Variants in AGAP1 observed in about 807,000 individuals in gnomAD.
AGAP1 encodes the protein ArfGAP with GTPase domain, ankyrin repeat and PH domain 1, also known as arf-GAP with GTPase, ANK repeat and PH domain-containing protein 1.
In AGAP1, 29 loss-of-function variants were observed where a neutral mutation model predicts 105.3. That is an observed-to-expected ratio of 0.28 (90% CI 0.21 to 0.38). The LOEUF (loss-of-function observed/expected upper bound fraction) is 0.38. AGAP1 is among the 10% of genes least tolerant of loss of function. AGAP1 has a pLI of 1.00. For missense variants in AGAP1, 998 were observed against 1,165.1 expected, an observed-to-expected ratio of 0.86 and a Z score of 2.09; for synonymous variants, 509 against 485.9, an observed-to-expected ratio of 1.05 and a Z score of -0.63.
In AGAP1 at chr2:235,521,737, TATATA is replaced by T. The variant is rs1559220662; in HGVS notation, c.163+26889_163+26893del. 5.5e-3 allele frequency among the ~76,000 whole-genome samples: 721 copies of T among 129,946 alleles called. 8 individuals are homozygous for T. Among genetic ancestry groups the T allele is most frequent in the African/African-American group, 0.023 (681 of 29,758 alleles). The allele number at this position is 129,946 out of a possible 152,430, so 85.2% of individuals were successfully genotyped here. ...TCCAGTTTCTTGTTTTTGTTTGTTA[TATATA>T]TGTGTGTGTGTGTGTGTGTGTGTGT... On this transcript the variant is annotated intron_variant, in intron 1 of 17. Coordinates refer to ENST00000304032, the MANE Select transcript of AGAP1 (RefSeq NM_001037131.3).
chr2:236,023,914 G>A (rs960194262), intron 13 of AGAP1, among the ~76,000 whole-genome samples: 1 of 152,022 alleles, frequency 6.6e-6, no homozygotes, highest in Non-Finnish European at 1.5e-5. Context: ...TCCGGTCATT[G>A]AAGAACTTGG....
Position 235,967,629 on chromosome 2 carries a change from G to A in AGAP1, c.1484-833G>A, listed in dbSNP as rs914604698. 5.3e-5 allele frequency among the ~76,000 whole-genome samples: 8 copies of A among 152,310 alleles called. No individual in the cohort carries two copies. The highest frequency in any genetic ancestry group is 2.6e-4 in the Admixed American group (4 of 15,300). On this transcript the variant is annotated intron_variant, in intron 12 of 17. Transcript: ENST00000304032. This position sits in a 1 kb window ranked among gnomAD's most constrained non-coding sequence, Gnocchi z 4.7. The stretch of plus-strand genomic sequence containing the variant: ...ACTTTGGACTTAAAGATGCTGAATC[G>A]TGAAATAAAAACTTTTCAAGACGCC...
At position 236,008,658 on chromosome 2, in the gene AGAP1, G is replaced by A. The variant is rs191306838; in HGVS notation, c.1646-27903G>A. On this transcript the variant is annotated intron_variant, in intron 13 of 17. Transcript: ENST00000304032. ...AACTTCTGGTTTTATTGCATATCCT[G>A]GAGGTCTTGCTTCGTTTTTATTTTC... is the stretch of plus-strand genomic sequence containing the variant. Among the ~76,000 whole-genome samples the A allele has an allele frequency of 5.3e-5, 8 of 152,214 alleles. No individual in the cohort carries two copies. The East Asian group carries it at 1.5e-3, about 29-fold the overall frequency.
In AGAP1 at chr2:235,724,442, C is replaced by T. The variant is rs563456948; in HGVS notation, c.310+6798C>T. 1.3e-5 allele frequency among the ~76,000 whole-genome samples: 2 copies of T among 152,188 alleles called. No homozygotes were observed. Among genetic ancestry groups the T allele is most frequent in the African/African-American group, 4.8e-5 (2 of 41,456 alleles). On this transcript the variant is annotated intron_variant, in intron 3 of 17. Coordinates refer to ENST00000304032, the MANE Select transcript of AGAP1 (RefSeq NM_001037131.3). This position sits in a 1 kb window ranked among gnomAD's most constrained non-coding sequence, Gnocchi z 4.9. The stretch of plus-strand genomic sequence containing the variant: ...CACTGGGAGATTAGCCTCCCTCATT[C>T]ATTTTCCCGATAGAATATGATAGCT...
At chr2:235,913,232 GT>G (rs999276824) in intron 11 of AGAP1, among the ~76,000 whole-genome samples, 9 of 151,428 alleles carry the variant, frequency 5.9e-5, no homozygotes, top group Admixed American at 4.6e-4. Context: ...TAATTTTATT[GT>G]TTTTTTCCCT....
intron 1 of AGAP1, among the ~76,000 whole-genome samples, chr2:235,682,796 A>ATGTGTGTG (rs1949151444): frequency 3.1e-5 from 2 of 65,508 alleles, no homozygotes; most frequent in Admixed American, 3.6e-4. Flanking sequence ...GTGTGTGCAC[A>ATGTGTGTG]CGTGTGTGTG....
chr2:235,883,579 A>G lies in AGAP1; in HGVS notation c.1155+130A>G. ...GAAAGTCGTATTTGGTCTCCTGCTC[A>G]ACTGTGAGATAAATAACCCTGTTCC... On this transcript the variant is annotated intron_variant, in intron 10 of 17. Coordinates refer to ENST00000304032, the MANE Select transcript of AGAP1 (RefSeq NM_001037131.3). This position sits in a 1 kb window ranked among gnomAD's most constrained non-coding sequence, Gnocchi z 4.5. 1.5e-6 allele frequency: 1 copy of G among 683,618 alleles called. No individual in the cohort carries two copies. The highest frequency in any genetic ancestry group is 2.5e-6 in the Non-Finnish European group (1 of 396,584). The allele number at this position is 683,618 out of a possible 1,614,324, so 42.3% of individuals were successfully genotyped here.
rs2125025928 is a variant in AGAP1, at chr2:235,906,212, T to C, written c.1156-2526T>C. ...GCACCTCTGCTCCCGGCCTCTGGGC[T>C]GATGTGAGATGCACGCGTGCCAGGG... On this transcript the variant is annotated intron_variant, in intron 10 of 17. Coordinates refer to ENST00000304032, the MANE Select transcript of AGAP1 (RefSeq NM_001037131.3). This position sits in a 1 kb window ranked among gnomAD's most constrained non-coding sequence, Gnocchi z 5.3. Among the ~76,000 whole-genome samples, 1 of 152,294 alleles carries C rather than the reference T, an allele frequency of 6.6e-6. No individual in the cohort carries two copies. Among genetic ancestry groups the C allele is most frequent in the South Asian group, 2.1e-4 (1 of 4,830 alleles).
rs527699028 is a variant in AGAP1 at position 236,104,766 on chromosome 2, G to A, written c.2115-15426G>A. Among the ~76,000 whole-genome samples the A allele has an allele frequency of 2.0e-5, 3 of 152,316 alleles. No homozygotes were observed. The highest frequency in any genetic ancestry group is 4.1e-4 in the South Asian group (2 of 4,828). On this transcript the variant is annotated intron_variant, in intron 16 of 17. Transcript: ENST00000304032. The surrounding 1 kb of genome is among the most constrained non-coding windows in gnomAD (Gnocchi z 4.7). ...TAGCTGGGCATGGTGATGCGTGCCT[G>A]TAATCCCAGCTACTCGGGAGGCTGA...
chr2:235,978,151 T>A (rs564202880), intron 13 of AGAP1, among the ~76,000 whole-genome samples: 1 of 152,236 alleles, frequency 6.6e-6, no homozygotes, highest in Non-Finnish European at 1.5e-5. Flanking sequence ...AGGCCCAGTC[T>A]CCAAATACCA....
chr2:236,040,514 T>TCCA lies in AGAP1; in HGVS notation c.1801-235_1801-234insACC. ...TCCTCTTTGCTCATTTCTGGCAGAG[T>TCCA]CCGTCTCAGCTGATGAGTTAAAATG... On this transcript the variant is annotated intron_variant, in intron 14 of 17. Transcript: ENST00000304032. The surrounding 1 kb of genome is among the most constrained non-coding windows in gnomAD (Gnocchi z 5.6). 1.9e-6 allele frequency: 1 copy of TCCA among 528,050 alleles called. No individual in the cohort carries two copies. The highest frequency in any genetic ancestry group is 3.4e-6 in the Non-Finnish European group (1 of 293,680). The allele number at this position is 528,050 out of a possible 1,614,324, so 32.7% of individuals were successfully genotyped here. A position where few individuals can be genotyped will look rare whatever the true frequency, so the allele number is the denominator to read the frequency against.
chr2:235,768,415 T>C (rs1955151444), intron 6 of AGAP1, among the ~76,000 whole-genome samples: 1 of 152,244 alleles, frequency 6.6e-6, no homozygotes, highest in African/African-American at 2.4e-5. Context: ...TTTTGGAGAA[T>C]TTTACTACTT....
chr2:235,504,962 C>T (rs1182099812), intron 1 of AGAP1, among the ~76,000 whole-genome samples: 6 of 152,258 alleles, frequency 3.9e-5, no homozygotes, highest in South Asian at 2.1e-4. Context: ...AGGAAGAGGG[C>T]GCAGTTCCTC....
At chr2:235,554,619 C>T (rs1943916383) in intron 1 of AGAP1, among the ~76,000 whole-genome samples, 1 of 152,190 alleles carries the variant, frequency 6.6e-6, no homozygotes, top group South Asian at 2.1e-4. Flanking sequence ...GCCTTGATGC[C>T]ACTTGGAGCT....
At chr2:235,649,658 C>T (rs1947516187) in intron 1 of AGAP1, among the ~76,000 whole-genome samples, 1 of 152,198 alleles carries the variant, frequency 6.6e-6, no homozygotes, top group Admixed American at 6.5e-5. Flanking sequence ...AGATGTGAGC[C>T]ACAGTGGCTG....
chr2:235,847,225 A>T (rs62190889), intron 9 of AGAP1, among the ~76,000 whole-genome samples: 1 of 152,128 alleles, frequency 6.6e-6, no homozygotes, highest in African/African-American at 2.4e-5. Context: ...GGAAGAAAAG[A>T]TGGTTTGGTT....
chr2:235,825,080 T>C lies in AGAP1; in HGVS notation c.1050+17749T>C, dbSNP rs528265083. Among the ~76,000 whole-genome samples, 17 of 152,324 alleles carry C rather than the reference T, an allele frequency of 1.1e-4. No homozygotes were observed. In the South Asian group the frequency reaches 3.1e-3, roughly 28 times the overall value. ...GTGCAAATTGCTACTGAAAATGATA[T>C]TGAAAGAAAATGAGACCTGTTTCTC... is the stretch of plus-strand genomic sequence containing the variant. On this transcript the variant is annotated intron_variant, in intron 9 of 17. Transcript: ENST00000304032.
In AGAP1 at chr2:235,919,890, C is replaced by A. The variant is rs1039391943; in HGVS notation, c.1325-10875C>A. On this transcript the variant is annotated intron_variant, in intron 11 of 17. Transcript: ENST00000304032. The surrounding 1 kb of genome is among the most constrained non-coding windows in gnomAD (Gnocchi z 4.1). ...ATCAGCTTGTCCATATAACCCATACCAGGAGATGGATTGTGGCCAAGACAA... is the reference window on the plus strand; with the variant it reads ...ATCAGCTTGTCCATATAACCCATACAAGGAGATGGATTGTGGCCAAGACAA... 1.3e-5 allele frequency among the ~76,000 whole-genome samples: 2 copies of A among 152,170 alleles called. No homozygotes were observed. The highest frequency in any genetic ancestry group is 2.9e-5 in the Non-Finnish European group (2 of 68,048).
At chr2:235,543,594 C>T (rs538168716) in intron 1 of AGAP1, among the ~76,000 whole-genome samples, 2 of 152,218 alleles carry the variant, frequency 1.3e-5, no homozygotes, top group Admixed American at 6.5e-5. Context: ...GGCCTCTCCC[C>T]AGCCTGGAGC....
Sources: allele counts gnomAD v4.1 joint callset (sites outside exome capture counted in the v4.1 genomes callset), GRCh38; gene constraint gnomAD v4.1.1; non-coding constraint Gnocchi (gnomAD v3.1); transcripts MANE v1.5; gene names NCBI Gene and HGNC (gene_info 2026-07-23, HGNC 2026-07-21).